GRIN2B: variants seen among roughly 807,000 people sequenced by gnomAD.
GRIN2B encodes glutamate receptor ionotropic, NMDA 2B.
In GRIN2B, 5 loss-of-function variants were observed where a neutral mutation model predicts 114.5. That is an observed-to-expected ratio of 0.04 (90% CI 0.02 to 0.09). The LOEUF (loss-of-function observed/expected upper bound fraction) is 0.09. GRIN2B is among the 10% of genes least tolerant of loss of function. The pLI, the probability that GRIN2B is intolerant of heterozygous loss-of-function variation, is 1.00. For missense variants in GRIN2B, 1,108 were observed against 1,943.5 expected (o/e 0.57, Z 8.08); for synonymous variants, 787 against 745.1 (o/e 1.06, Z -0.92).
At chr12:13,572,661 C>T (rs1262336009) in intron 10 of GRIN2B, among the ~76,000 whole-genome samples, 1 of 152,148 alleles carries the variant, frequency 6.6e-6, no homozygotes, top group African/African-American at 2.4e-5. Context: ...ATGACATCAG[C>T]TTTATTTCTG....
At chr12:13,654,531 C>A (rs1949844850) in intron 5 of GRIN2B, among the ~76,000 whole-genome samples, 1 of 152,150 alleles carries the variant, frequency 6.6e-6, no homozygotes, top group African/African-American at 2.4e-5. Context: ...CAGGTTAATG[C>A]CAATGCAATG....
chr12:13,804,425 C>T (rs889675536), intron 3 of GRIN2B, among the ~76,000 whole-genome samples: 38 of 152,118 alleles, frequency 2.5e-4, no homozygotes, highest in Middle Eastern at 3.4e-3. Context: ...ATGATCAACC[C>T]CATCTATTTT....
intron 4 of GRIN2B, among the ~76,000 whole-genome samples, chr12:13,681,180 G>A (rs956096220): frequency 1.9e-4 from 29 of 152,180 alleles, no homozygotes; most frequent in Admixed American, 3.9e-4. Context: ...ACTTTACCCC[G>A]CATGTCTTTA....
chr12:13,939,513 C>T, intron 2 of GRIN2B, among the ~76,000 whole-genome samples: 1 of 146,084 alleles, frequency 6.8e-6, no homozygotes, highest in South Asian at 2.2e-4. Flanking sequence ...TCATGAGGCT[C>T]TCACCAGAAA....
chr12:13,575,185 AG>A (rs1565459170), intron 10 of GRIN2B, among the ~76,000 whole-genome samples: 1 of 152,250 alleles, frequency 6.6e-6, no homozygotes, highest in African/African-American at 2.4e-5. Flanking sequence ...CCACCAAAAA[AG>A]GTAAACGATA....
At chr12:13,656,045 C>T (rs1949859782) in intron 5 of GRIN2B, among the ~76,000 whole-genome samples, 1 of 152,064 alleles carries the variant, frequency 6.6e-6, no homozygotes, top group Non-Finnish European at 1.5e-5. Flanking sequence ...TCTCCGTTCT[C>T]TTGCTTCTCT....
intron 3 of GRIN2B, among the ~76,000 whole-genome samples, chr12:13,766,136 T>C (rs949896843): frequency 7.9e-5 from 12 of 152,236 alleles, no homozygotes; most frequent in African/African-American, 2.9e-4. Context: ...GTAACATTAT[T>C]GTTTGCTAAT....
chr12:13,962,257 C>T (rs1163685820), intron 2 of GRIN2B, among the ~76,000 whole-genome samples: 5 of 152,076 alleles, frequency 3.3e-5, no homozygotes, highest in Non-Finnish European at 7.4e-5. Flanking sequence ...GGGAGGCTCA[C>T]GCTCTTCTTG....
At chr12:13,725,953 T>C (rs1862977648) in intron 4 of GRIN2B, among the ~76,000 whole-genome samples, 1 of 152,164 alleles carries the variant, frequency 6.6e-6, no homozygotes, top group Admixed American at 6.6e-5. Context: ...CTTCACCTGC[T>C]CTGCTTTATT....
At position 13,563,187 on chromosome 12, in the gene GRIN2B, T is replaced by C. The variant is rs1268827090; in HGVS notation, c.4051A>G (p.Asn1351Asp). 5 of 1,614,058 alleles carry C rather than the reference T, an allele frequency of 3.1e-6. No homozygotes were observed. The highest frequency in any genetic ancestry group is 2.2e-5 in the East Asian group (1 of 44,890). ...GCAGTGGGCACTGAGGACTTGTTGTTGGCAAAGGTGCTCTCGCCAGCTGAC... is the reference window on the plus strand; with the variant it reads ...GCAGTGGGCACTGAGGACTTGTTGTCGGCAAAGGTGCTCTCGCCAGCTGAC... ...EMSAGESTFA[N>D]NKSSVPTAGH... Residue 1351 changes from asparagine (N) to aspartate (D), a missense_variant, in exon 14 of 14, where the codon AAC becomes GAC. Asn to Asp is a conservative substitution (Grantham distance 23). Around this residue, in one of 19 missense-constraint regions of GRIN2B, gnomAD observed 478 missense variants for 506.0 expected, o/e 0.94. Transcript: ENST00000609686.
intron 2 of GRIN2B, among the ~76,000 whole-genome samples, chr12:13,974,625 T>A (rs1285462996): frequency 6.6e-6 from 1 of 152,120 alleles, no homozygotes; most frequent in African/African-American, 2.4e-5. Flanking sequence ...AATTTAAATG[T>A]CAACCCCTCC....
At chr12:13,635,580 G>A (rs1045406686) in intron 5 of GRIN2B, among the ~76,000 whole-genome samples, 1 of 152,284 alleles carries the variant, frequency 6.6e-6, no homozygotes, top group East Asian at 1.9e-4. Flanking sequence ...GGAAATAGCA[G>A]ACGTAAGTAG....
At chr12:13,587,344 C>A (rs1425911386) in intron 10 of GRIN2B, among the ~76,000 whole-genome samples, 121 of 138,974 alleles carry the variant, frequency 8.7e-4, no homozygotes, top group South Asian at 2.3e-4. Context: ...CTTTTTATTT[C>A]TTTTTTTTTT....
At chr12:13,857,677 C>T (rs951339935) in intron 3 of GRIN2B, among the ~76,000 whole-genome samples, 4 of 152,084 alleles carry the variant, frequency 2.6e-5, no homozygotes, top group Non-Finnish European at 2.9e-5. Context: ...TCCTTTGAGA[C>T]ACAGTGTACT....
rs761174489 is a variant in GRIN2B, at chr12:13,562,981, C to T, written c.4257G>A (p.Pro1419=). 24 of 1,613,734 alleles carry T rather than the reference C, an allele frequency of 1.5e-5. No homozygotes were observed. Among genetic ancestry groups the T allele is most frequent in the Non-Finnish European group, 1.7e-5 (20 of 1,179,664 alleles). The change falls in exon 14 of 14, where the codon CCG becomes CCA. Residue 1419 remains proline, a synonymous_variant. Coordinates refer to ENST00000609686, the MANE Select transcript of GRIN2B (RefSeq NM_000834.5). ...PTVAGASKAR[P]DFRALVTNKP... is the part of the protein sequence containing the mutation. Reference sequence around the variant, plus strand: ...TGTTGGTGACAAGGGCCCGGAAGTCCGGCCTGGCTTTCGACGCCCCCGCCA... The same window carrying T: ...TGTTGGTGACAAGGGCCCGGAAGTCTGGCCTGGCTTTCGACGCCCCCGCCA...
At chr12:13,748,530 A>G (rs1368199192) in intron 4 of GRIN2B, among the ~76,000 whole-genome samples, 2 of 152,200 alleles carry the variant, frequency 1.3e-5, no homozygotes, top group Non-Finnish European at 1.5e-5. Flanking sequence ...AACTTACCTA[A>G]TCATTTTCTA....
Position 13,637,671 on chromosome 12 carries a change from CA to C in GRIN2B, c.1126-21015del, listed in dbSNP as rs1475995567. 8.5e-5 allele frequency among the ~76,000 whole-genome samples: 13 copies of C among 152,272 alleles called. No homozygotes were observed. In the East Asian group the frequency reaches 2.5e-3, roughly 29 times the overall value. On this transcript the variant is annotated intron_variant, in intron 5 of 13. Transcript: ENST00000609686. ...CCTAAGCTAACAAATTATTATCATT[CA>C]TAACCTAATAGTAAGCAGGACCCTG...
chr12:13,700,249 C>A (rs1361092339), intron 4 of GRIN2B, among the ~76,000 whole-genome samples: 1 of 152,128 alleles, frequency 6.6e-6, no homozygotes, highest in Non-Finnish European at 1.5e-5. Flanking sequence ...TTAAGGAGGT[C>A]AAATACCATC....
intron 2 of GRIN2B, among the ~76,000 whole-genome samples, chr12:13,878,657 A>G (rs1359303346): frequency 6.6e-6 from 1 of 151,500 alleles, no homozygotes; most frequent in Non-Finnish European, 1.5e-5. Context: ...TGCCACCACC[A>G]CTCCACCACT....
Sources: allele counts gnomAD v4.1 joint callset (sites outside exome capture counted in the v4.1 genomes callset), GRCh38; gene constraint gnomAD v4.1.1; regional missense constraint gnomAD v4.1.1; transcripts MANE v1.5; gene names NCBI Gene and HGNC (gene_info 2026-07-23, HGNC 2026-07-21).